The following STYK1 variants were observed in gnomAD, a reference collection of about 807,000 sequenced individuals.
STYK1 encodes the protein tyrosine-protein kinase STYK1.
A neutral mutation model predicts 48.1 loss-of-function variants in STYK1; 46 were observed. The ratio of observed to expected loss-of-function variants is 0.96; its 90% CI spans 0.75 to 1.22. The LOEUF (loss-of-function observed/expected upper bound fraction) is 1.22. Among genes scored for constraint, STYK1 ranks in the 50% most tolerant of loss-of-function variants. The pLI is 0.00. For missense variants in STYK1, 527 were observed against 521.1 expected (o/e 1.01, Z -0.11); for synonymous variants, 188 against 189.0 (o/e 0.99, Z 0.04).
At chr12:10,636,857 G>C (rs371860151) in intron 2 of STYK1, among the ~76,000 whole-genome samples, 16 of 152,192 alleles carry the variant, frequency 1.1e-4, no homozygotes, top group Non-Finnish European at 1.8e-4. Context: ...TCATGAGCTC[G>C]GCCCAGAAAA....
In STYK1 at chr12:10,633,920, C is replaced by G. The variant is rs1325586156; in HGVS notation, c.187+70G>C. The G allele has an allele frequency of 3.2e-6, 5 of 1,569,698 alleles. 1 individual carries two copies. The Admixed American group carries it at 9.1e-5, about 29-fold the overall frequency. ...ACTTCTAGACATGGGCTCATTGAAACTTAGACCATACTTTTTCCTAATCTC... is the reference window on the plus strand; with the variant it reads ...ACTTCTAGACATGGGCTCATTGAAAGTTAGACCATACTTTTTCCTAATCTC... On this transcript the variant is annotated intron_variant, in intron 4 of 10. Transcript: ENST00000075503.
At chr12:10,632,212 CA>C (rs1381281068) in intron 4 of STYK1, among the ~76,000 whole-genome samples, 2 of 139,716 alleles carry the variant, frequency 1.4e-5, no homozygotes, top group Non-Finnish European at 3.1e-5. Context: ...AAAAAAAAAA[CA>C]AAAAAAGGTG....
At chr12:10,625,362 C>T (rs1406745483) in intron 7 of STYK1, among the ~76,000 whole-genome samples, 2 of 152,082 alleles carry the variant, frequency 1.3e-5, no homozygotes, top group African/African-American at 4.8e-5. Flanking sequence ...GGACTACAGG[C>T]ACCCGCCACC....
At chr12:10,634,246 C>G (rs949287794) in intron 3 of STYK1, 122 bp from the exon 4 acceptor site, 1 of 1,153,180 alleles carries the variant, frequency 8.7e-7, no homozygotes, top group African/African-American at 1.5e-5. Context: ...CTTCTACCAT[C>G]TCCTCTACTT....
chr12:10,641,182 G>A (rs1947538839), intron 1 of STYK1, among the ~76,000 whole-genome samples: 1 of 152,116 alleles, frequency 6.6e-6, no homozygotes, highest in African/African-American at 2.4e-5. Flanking sequence ...GAAAAGCTGA[G>A]AACTCACAAC....
intron 1 of STYK1, among the ~76,000 whole-genome samples, chr12:10,654,264 A>C (rs1286193250): frequency 2.0e-5 from 3 of 152,202 alleles, no homozygotes; most frequent in Non-Finnish European, 4.4e-5. Context: ...TTAGCATATA[A>C]TCAAGAAATA....
chr12:10,642,201 A>G (rs990790931), intron 1 of STYK1, among the ~76,000 whole-genome samples: 8 of 152,154 alleles, frequency 5.3e-5, no homozygotes, highest in African/African-American at 1.9e-4. Context: ...CTTCCTACCC[A>G]TATCATGGCA....
At chr12:10,641,231 C>T (rs1947539554) in intron 1 of STYK1, among the ~76,000 whole-genome samples, 2 of 152,132 alleles carry the variant, frequency 1.3e-5, no homozygotes, top group African/African-American at 4.8e-5. Flanking sequence ...CTAATCCATC[C>T]GTGTCTCCTT....
chr12:10,633,187 C>G (rs1049666398), intron 4 of STYK1, among the ~76,000 whole-genome samples: 3 of 152,162 alleles, frequency 2.0e-5, no homozygotes, highest in African/African-American at 4.8e-5. Context: ...AAGACGAAGA[C>G]TAAGAATTGA....
chr12:10,638,457 T>C (rs1947509567), intron 1 of STYK1, among the ~76,000 whole-genome samples: 1 of 152,194 alleles, frequency 6.6e-6, no homozygotes, highest in Admixed American at 6.5e-5. Flanking sequence ...ATGCTAAATC[T>C]TTACAAGACT....
chr12:10,624,606 CAA>C, intron 8 of STYK1, 43 bp downstream of exon 8: 1 of 1,572,426 alleles, frequency 6.4e-7, no homozygotes, highest in South Asian at 1.1e-5. Flanking sequence ...GGACAACACC[CAA>C]GTCATGAAGA....
chr12:10,646,025 T>A (rs1201472612), intron 1 of STYK1, among the ~76,000 whole-genome samples: 2 of 152,230 alleles, frequency 1.3e-5, no homozygotes, highest in Non-Finnish European at 2.9e-5. Flanking sequence ...CGTAAGTCCA[T>A]TAAACCTCTT....
chr12:10,664,580 T>C (rs1441502587), intron 1 of STYK1, among the ~76,000 whole-genome samples: 3 of 152,226 alleles, frequency 2.0e-5, no homozygotes, highest in African/African-American at 7.2e-5. Context: ...AACCTGTCAC[T>C]AGTTATGTCT....
At chr12:10,671,315 T>G (rs1200098119) in intron 1 of STYK1, among the ~76,000 whole-genome samples, 1 of 152,116 alleles carries the variant, frequency 6.6e-6, no homozygotes, top group Non-Finnish European at 1.5e-5. Context: ...TTAATAGCGT[T>G]GAAATAGCGA....
At chr12:10,633,136 G>C (rs1159799324) in intron 4 of STYK1, among the ~76,000 whole-genome samples, 1 of 152,176 alleles carries the variant, frequency 6.6e-6, no homozygotes, top group Non-Finnish European at 1.5e-5. Flanking sequence ...TCAAGAAAGA[G>C]AAAGTTTAAA....
intron 1 of STYK1, among the ~76,000 whole-genome samples, chr12:10,640,332 T>C (rs1242741810): frequency 6.6e-6 from 1 of 152,032 alleles, no homozygotes; most frequent in Non-Finnish European, 1.5e-5. Context: ...GGACACAGAG[T>C]GCATGGAAGG....
intron 1 of STYK1, among the ~76,000 whole-genome samples, chr12:10,640,059 T>G (rs552377518): frequency 9.8e-5 from 15 of 152,340 alleles, no homozygotes; most frequent in African/African-American, 3.4e-4. Flanking sequence ...AGAATTTTTT[T>G]CCTAGTATTC....
At chr12:10,641,109 T>C (rs942282446) in intron 1 of STYK1, among the ~76,000 whole-genome samples, 3 of 152,148 alleles carry the variant, frequency 2.0e-5, no homozygotes, top group Non-Finnish European at 4.4e-5. Context: ...AGATTCCTAA[T>C]CAATAACAAT....
intron 7 of STYK1, among the ~76,000 whole-genome samples, chr12:10,626,656 C>A (rs570303052): frequency 2.0e-5 from 3 of 152,260 alleles, no homozygotes; most frequent in Admixed American, 6.5e-5. Context: ...CTGGGTAATT[C>A]TGGTAAAGGT....
Sources: allele counts gnomAD v4.1 joint callset (sites outside exome capture counted in the v4.1 genomes callset), GRCh38; gene constraint gnomAD v4.1.1; transcripts MANE v1.5; gene names NCBI Gene and HGNC (gene_info 2026-07-23, HGNC 2026-07-21).